The following FBXW10 variants were observed in gnomAD, a reference collection of about 807,000 sequenced individuals.
FBXW10 encodes F-box and WD repeat domain containing 10, also known as F-box/WD repeat-containing protein 10.
Under a neutral mutation model 113.1 loss-of-function variants are expected in FBXW10, and 68 were observed. That is an observed-to-expected ratio of 0.60 (90% CI 0.49 to 0.74). The LOEUF is 0.74. FBXW10 is among the 30% of genes least tolerant of loss of function. The pLI, the probability that FBXW10 is intolerant of heterozygous loss-of-function variation, is 0.00. For synonymous variants in FBXW10, 289 were observed against 481.6 expected, an observed-to-expected ratio of 0.60 and a Z score of 5.24; for missense variants, 753 against 1,284.5, an observed-to-expected ratio of 0.59 and a Z score of 6.32.
intron 12 of FBXW10, among the ~76,000 whole-genome samples, chr17:18,774,169 G>A (rs1248601421): frequency 6.6e-6 from 1 of 152,106 alleles, no homozygotes; most frequent in Non-Finnish European, 1.5e-5. Flanking sequence ...CAATCACAAG[G>A]GTGTCTATCT....
Position 18,749,716 on chromosome 17 carries a change from C to T in FBXW10, c.671-6C>T. ...AACCACGTACCTTTCTCTGGCTTCACTCTAGAGGAACCATGGAGGAATTCA... is the reference window on the plus strand; with the variant it reads ...AACCACGTACCTTTCTCTGGCTTCATTCTAGAGGAACCATGGAGGAATTCA... On this transcript the variant is annotated splice_region_variant and splice_polypyrimidine_tract_variant and intron_variant, in intron 2 of 13. Coordinates refer to ENST00000395665, the MANE Select transcript of FBXW10 (RefSeq NM_001267585.2). 1 of 1,613,948 alleles carries T rather than the reference C, an allele frequency of 6.2e-7. No homozygotes were observed. Among genetic ancestry groups the T allele is most frequent in the Non-Finnish European group, 8.5e-7 (1 of 1,179,870 alleles).
chr17:18,763,472 A>C (rs2035426266), intron 7 of FBXW10, among the ~76,000 whole-genome samples: 1 of 151,972 alleles, frequency 6.6e-6, no homozygotes, highest in East Asian at 1.9e-4. Flanking sequence ...TACAATTATT[A>C]TTCTCAGTTT....
rs545078528 is a variant in FBXW10 at position 18,778,590 on chromosome 17, G to A, written c.2451G>A (p.Leu817=). The part of the protein sequence containing the change: ...KIPMSPDQFL[L]TVSALQHAHN... ...CTATGTCACCTGACCAATTCCTCCT[G>A]ACTGTTAGCGCCCTGCAGCACGCCC... The change falls in exon 14 of 14, where the codon CTG becomes CTA. Residue 817 remains leucine (L), a synonymous_variant. Transcript: ENST00000395665. The A allele has an allele frequency of 1.9e-6, 3 of 1,613,910 alleles. No homozygotes were observed. Among genetic ancestry groups the A allele is most frequent in the Non-Finnish European group, 2.5e-6 (3 of 1,179,842 alleles).
intron 6 of FBXW10, among the ~76,000 whole-genome samples, chr17:18,757,679 TA>T (rs570622688): frequency 8.5e-4 from 130 of 152,306 alleles, no homozygotes; most frequent in African/African-American, 3.0e-3. Flanking sequence ...CCTTTCACAA[TA>T]AAAAACTCTC....
intron 12 of FBXW10, among the ~76,000 whole-genome samples, chr17:18,773,144 G>T (rs1272798503): frequency 6.6e-6 from 1 of 151,810 alleles, no homozygotes; most frequent in Non-Finnish European, 1.5e-5. Flanking sequence ...TGTTGATCAG[G>T]CTGGTCTCAA....
At chr17:18,748,408 CAAAAAAAAAAA>C (rs57336039) in intron 2 of FBXW10, among the ~76,000 whole-genome samples, 97 of 51,410 alleles carry the variant, frequency 1.9e-3, no homozygotes, top group African/African-American at 5.5e-3. Context: ...GAGACTGTCT[CAAAAAAAAAAA>C]AAAAAAAAAA....
intron 4 of FBXW10, 46 bp from the exon 5 acceptor site, chr17:18,750,885 C>A: frequency 1.3e-6 from 2 of 1,588,610 alleles, no homozygotes; most frequent in Non-Finnish European, 1.7e-6. Context: ...CAAGAGAAGC[C>A]ATTTTCTGTT....
At chr17:18,756,420 T>G (rs1209139038) in intron 6 of FBXW10, among the ~76,000 whole-genome samples, 2 of 152,242 alleles carry the variant, frequency 1.3e-5, no homozygotes, top group South Asian at 2.1e-4. Flanking sequence ...AAATCTTTAT[T>G]TTTTGAAATA....
Position 18,750,941 on chromosome 17 carries a change from C to G in FBXW10, c.1010C>G (p.Thr337Arg). 6.2e-7 allele frequency: 1 copy of G among 1,614,012 alleles called. No homozygotes were observed. Among genetic ancestry groups the G allele is most frequent in the South Asian group, 1.1e-5 (1 of 91,074 alleles). The change falls in exon 5 of 14, where the codon ACA becomes AGA. Residue 337 changes from threonine to arginine, a missense_variant. Physicochemically the swap from Thr to Arg is moderately conservative, Grantham distance 71 (BLOSUM62 -1). Transcript: ENST00000395665. ...TTTGTCTTTTTCCAGGGGTCCTACA[C>G]AAGAGGAATTGATCCTAATTATGCC... ...NQITFLQGSY[T>R]RGIDPNYANK...
At chr17:18,755,010 C>A (rs2035232196) in intron 5 of FBXW10, among the ~76,000 whole-genome samples, 1 of 152,188 alleles carries the variant, frequency 6.6e-6, no homozygotes, top group Non-Finnish European at 1.5e-5. Flanking sequence ...CACGTGTAAT[C>A]CCAGCACTTT....
intron 7 of FBXW10, among the ~76,000 whole-genome samples, chr17:18,758,851 A>G (rs1294893169): frequency 6.6e-6 from 1 of 151,140 alleles, no homozygotes; most frequent in African/African-American, 2.4e-5. Flanking sequence ...GAGACAGACT[A>G]TAGAGGCAAA....
At chr17:18,751,824 G>A (rs999727698) in intron 5 of FBXW10, among the ~76,000 whole-genome samples, 1 of 152,176 alleles carries the variant, frequency 6.6e-6, no homozygotes, top group Non-Finnish European at 1.5e-5. Flanking sequence ...TCACTTCCAG[G>A]TTTACTCTGG....
chr17:18,765,031 C>T (rs1448714956), intron 8 of FBXW10, among the ~76,000 whole-genome samples, 168 bp downstream of exon 8: 2 of 152,134 alleles, frequency 1.3e-5, no homozygotes, highest in African/African-American at 4.8e-5. Context: ...ATCAATCAAT[C>T]CATCCATTCA....
intron 7 of FBXW10, among the ~76,000 whole-genome samples, chr17:18,759,758 G>A (rs6502669): frequency 0.32 from 48,937 of 150,730 alleles, 5,697 homozygotes; most frequent in East Asian, 0.51. Flanking sequence ...GACTACAGGG[G>A]CCCGCCACCA....
Position 18,772,734 on chromosome 17 carries a change from G to A in FBXW10, c.2278+51G>A, listed in dbSNP as rs1383013142. 4.6e-6 allele frequency: 7 copies of A among 1,507,162 alleles called. No homozygotes were observed. In the South Asian group the frequency reaches 5.0e-5, roughly 11 times the overall value. 93.4% of individuals were successfully genotyped at this position (1,507,162 alleles called of 1,614,324 possible). A position where few individuals can be genotyped will look rare whatever the true frequency, so the allele number is the denominator to read the frequency against. ...TCAGTGATAACCCACAGAGCAGGTC[G>A]GGGTTTGGTGGGGGTGGTGGGAGAC... On this transcript the variant is annotated intron_variant, in intron 12 of 13. Coordinates refer to ENST00000395665, the MANE Select transcript of FBXW10 (RefSeq NM_001267585.2).
At chr17:18,772,901 C>T (rs546095101) in intron 12 of FBXW10, among the ~76,000 whole-genome samples, 1 of 151,676 alleles carries the variant, frequency 6.6e-6, no homozygotes, top group African/African-American at 2.4e-5. Context: ...TTCTGGTTTG[C>T]AAAAGCTAGA....
At chr17:18,754,734 AAAGGAGGGAGGG>A (rs2035227034) in intron 5 of FBXW10, among the ~76,000 whole-genome samples, 1 of 152,132 alleles carries the variant, frequency 6.6e-6, no homozygotes, top group South Asian at 2.1e-4. Context: ...TAGAGGAAGC[AAAGGAGGGAGGG>A]AAGGAGGGAG....
At chr17:18,778,181 A>G (rs957543219) in intron 13 of FBXW10, among the ~76,000 whole-genome samples, 23 of 152,216 alleles carry the variant, frequency 1.5e-4, no homozygotes, top group Admixed American at 1.2e-3. Context: ...TGAACCCGGA[A>G]GGCAGAGCTT....
rs1417411110 is a variant in FBXW10 at position 18,745,863 on chromosome 17, G to A, written c.505+1114G>A. Among the ~76,000 whole-genome samples, 3 of 152,188 alleles carry A rather than the reference G, an allele frequency of 2.0e-5. No individual in the cohort carries two copies. The East Asian group carries it at 5.8e-4, about 29-fold the overall frequency. ...GGAAGCAGAAGAAACAATAAGGGTG[G>A]TGTCTGTTTTGCTTTGCTATAAAGG... is the stretch of plus-strand genomic sequence containing the variant. On this transcript the variant is annotated intron_variant, in intron 1 of 13. Coordinates refer to ENST00000395665, the MANE Select transcript of FBXW10 (RefSeq NM_001267585.2).
Sources: allele counts gnomAD v4.1 joint callset (sites outside exome capture counted in the v4.1 genomes callset), GRCh38; gene constraint gnomAD v4.1.1; transcripts MANE v1.5; gene names NCBI Gene and HGNC (gene_info 2026-07-23, HGNC 2026-07-21).